ASPM: variants seen among roughly 807,000 people sequenced by gnomAD.
ASPM encodes the protein assembly factor for spindle microtubules.
Under a neutral mutation model 366.4 loss-of-function variants are expected in ASPM, and 256 were observed. That is an observed-to-expected ratio of 0.70 (90% confidence interval 0.63 to 0.77). The LOEUF (loss-of-function observed/expected upper bound fraction) is 0.77. ASPM is among the 30% of genes least tolerant of loss of function. The pLI is 0.00. For synonymous variants in ASPM, 1,414 were observed against 1,342.9 expected (o/e 1.05, Z -1.16); for missense variants, 4,146 against 4,090.4 (o/e 1.01, Z -0.37).
At position 197,143,072 on chromosome 1, in the gene ASPM, TA is replaced by T. The variant is rs199422138; in HGVS notation, c.1179del (p.Asn394IlefsTer4). 5.6e-6 allele frequency: 9 copies of T among 1,612,954 alleles called. No homozygotes were observed. Among genetic ancestry groups the T allele is most frequent in the Non-Finnish European group, 7.6e-6 (9 of 1,179,050 alleles). ...GCCATGTTATCTTTTAAAAATTGAT[TA>T]GGGGATAAAATAGGATTAACTGACT... is the stretch of plus-strand genomic sequence containing the variant. ...ESESVNPILS[P>X]NQFLKDNMAY... is the part of the protein sequence containing the mutation. On this transcript the variant is annotated frameshift_variant, in exon 3 of 28. Transcript: ENST00000367409. LOFTEE classifies it high-confidence loss of function.
At position 197,139,827 on chromosome 1, in the gene ASPM, T is replaced by C. The variant is rs200913447; in HGVS notation, c.1966A>G (p.Thr656Ala). The C allele has an allele frequency of 3.7e-6, 6 of 1,612,434 alleles. No homozygotes were observed. In the East Asian group the frequency reaches 1.1e-4, roughly 30 times the overall value. ...RTPISKTNKR[T>A]KPIIAVAQSS... ...TGTGCCACAGCGATAATGGGTTTTG[T>C]CCTTTTGTTTGTTTTAGAAATTGGA... Residue 656 changes from threonine to alanine, a missense_variant, in exon 4 of 28, where the codon ACA (threonine) becomes GCA (alanine). Thr to Ala is a moderately conservative substitution (Grantham distance 58, BLOSUM62 0). Transcript: ENST00000367409.
rs113841193 is a variant in ASPM at position 197,086,365 on chromosome 1, A to G, written c.10331+438T>C. ...CAAAATAAATTAAATCTTTTTGCCA[A>G]TAAAATCAGAAAATGTCAATCTAAA... On this transcript the variant is annotated intron_variant, in intron 27 of 27. Transcript: ENST00000367409. 6.1e-4 allele frequency among the ~76,000 whole-genome samples: 93 copies of G among 152,328 alleles called. 1 individual carries two copies. Among genetic ancestry groups the G allele is most frequent in the African/African-American group, 2.2e-3 (91 of 41,576 alleles).
At position 197,100,883 on chromosome 1, in the gene ASPM, C is replaced by A. The variant is rs1657142045; in HGVS notation, c.8368G>T (p.Glu2790Ter). ...SKTQYEAVQS[E>*]GVMIQEWYKA... ...TACCACTCTTGAATCATAACACCTT[C>A]ACTTTGAACAGCTTCATACTGAGTT... Residue 2790 changes from glutamate to a stop codon, truncating the protein, a stop_gained, in exon 18 of 28, where the codon GAA becomes TAA. Transcript: ENST00000367409. LOFTEE classifies it high-confidence loss of function. 6.2e-7 allele frequency: 1 copy of A among 1,612,526 alleles called. No homozygotes were observed. The highest frequency in any genetic ancestry group is 8.5e-7 in the Non-Finnish European group (1 of 1,179,136).
At chr1:197,139,548 T>C (rs1658520050) in intron 4 of ASPM, among the ~76,000 whole-genome samples, 1 of 152,228 alleles carries the variant, frequency 6.6e-6, no homozygotes, top group African/African-American at 2.4e-5. Flanking sequence ...AAATATACAA[T>C]AATTACTATA....
At chr1:197,106,032 T>A (rs973315225) in intron 17 of ASPM, among the ~76,000 whole-genome samples, 4 of 151,998 alleles carry the variant, frequency 2.6e-5, no homozygotes, top group Admixed American at 2.6e-4. Context: ...CTCTACTACA[T>A]CTTACTTTTT....
chr1:197,117,676 T>C, intron 17 of ASPM, 113 bp downstream of exon 17: 1 of 923,702 alleles, frequency 1.1e-6, no homozygotes, highest in Non-Finnish European at 1.7e-6. Flanking sequence ...AAATTAAGTA[T>C]TAGATAAAGA....
intron 10 of ASPM, 135 bp downstream of exon 10, chr1:197,128,355 A>AAG: frequency 1.1e-6 from 1 of 945,388 alleles, no homozygotes; most frequent in Non-Finnish European, 1.6e-6. Flanking sequence ...AAAAAAAAAA[A>AAG]AAACCTCAAT....
At chr1:197,123,988 A>C in intron 13 of ASPM, 122 bp downstream of exon 13, 1 of 796,708 alleles carries the variant, frequency 1.3e-6, no homozygotes, top group African/African-American at 1.8e-5. Flanking sequence ...CATTTGAGGG[A>C]AAGTTTGCTT....
At position 197,102,777 on chromosome 1, in the gene ASPM, C is replaced by T. The variant is rs1267691623; in HGVS notation, c.6474G>A (p.Met2158Ile). 3 of 1,612,502 alleles carry T rather than the reference C, an allele frequency of 1.9e-6. No individual in the cohort carries two copies. In the Admixed American group the frequency reaches 5.0e-5, roughly 27 times the overall value. ...AAATTGTCAGGTACTTTTCACGCTGCATTTTACCTTGATAATATGCTCTAC... is the reference window on the plus strand; with the variant it reads ...AAATTGTCAGGTACTTTTCACGCTGTATTTTACCTTGATAATATGCTCTAC... ...VRCRAYYQGKMQREKYLTILK... is the reference protein window; with the variant it reads ...VRCRAYYQGKIQREKYLTILK... The change falls in exon 18 of 28, where the codon ATG becomes ATA. Residue 2158 changes from methionine to isoleucine, a missense_variant. Physicochemically the swap from Met to Ile is conservative, Grantham distance 10. Coordinates refer to ENST00000367409, the MANE Select transcript of ASPM (RefSeq NM_018136.5).
At position 197,100,880 on chromosome 1, in the gene ASPM, C is replaced by T. The variant is rs966129910; in HGVS notation, c.8371G>A (p.Gly2791Ser). 1.2e-6 allele frequency: 2 copies of T among 1,612,494 alleles called. No individual in the cohort carries two copies. Among genetic ancestry groups the T allele is most frequent in the Admixed American group, 1.7e-5 (1 of 59,786 alleles). The change falls in exon 18 of 28, where the codon GGT becomes AGT. Residue 2791 changes from glycine to serine, a missense_variant. By Grantham distance (56) the Gly-to-Ser change is moderately conservative. Transcript: ENST00000367409. ...TTATACCACTCTTGAATCATAACAC[C>T]TTCACTTTGAACAGCTTCATACTGA... ...KTQYEAVQSEGVMIQEWYKAS... is the reference protein window; with the variant it reads ...KTQYEAVQSESVMIQEWYKAS...
In ASPM at chr1:197,102,953, T is replaced by C; in HGVS notation, c.6298A>G (p.Ile2100Val). The C allele has an allele frequency of 6.2e-7, 1 of 1,612,616 alleles. No individual in the cohort carries two copies. Reference protein sequence around the residue: ...YLNLKKTAIKIQSVYRGIRVR... With the variant: ...YLNLKKTAIKVQSVYRGIRVR... ...CTAATACCTCTATAAACAGATTGGA[T>C]TTTAATTGCTGTCTTCTTCAAATTA... Residue 2100 changes from isoleucine (I) to valine (V), a missense_variant, in exon 18 of 28, where the codon ATC (isoleucine) becomes GTC (valine). By Grantham distance (29) the Ile-to-Val change is conservative. This residue lies in a region of ASPM where 3,624 missense variants were observed against 3,591.7 expected (regional missense o/e 1.01). Transcript: ENST00000367409.
chr1:197,095,904 A>T, intron 19 of ASPM, 94 bp downstream of exon 19: 1 of 1,150,004 alleles, frequency 8.7e-7, no homozygotes, highest in Non-Finnish European at 1.2e-6. Flanking sequence ...ACAAATATTT[A>T]AAATAAAAAT....
chr1:197,109,727 T>A (rs1657528651), intron 17 of ASPM, among the ~76,000 whole-genome samples: 1 of 151,922 alleles, frequency 6.6e-6, no homozygotes, highest in Non-Finnish European at 1.5e-5. Flanking sequence ...ACATAAAAAC[T>A]TCATAGAAAT....
intron 17 of ASPM, among the ~76,000 whole-genome samples, chr1:197,115,975 T>A (rs1184409171): frequency 6.6e-6 from 1 of 152,194 alleles, no homozygotes; most frequent in East Asian, 1.9e-4. Flanking sequence ...AAGCTAGAAA[T>A]TGATTTCCCC....
rs770626941 is a variant in ASPM at position 197,100,864 on chromosome 1, T to A, written c.8387A>T (p.Glu2796Val). 6.2e-7 allele frequency: 1 copy of A among 1,612,688 alleles called. No individual in the cohort carries two copies. The highest frequency in any genetic ancestry group is 1.1e-5 in the South Asian group (1 of 91,058). Reference sequence around the variant, plus strand: ...AGCAAGGCCAGAAGCTTTATACCACTCTTGAATCATAACACCTTCACTTTG... The same window carrying A: ...AGCAAGGCCAGAAGCTTTATACCACACTTGAATCATAACACCTTCACTTTG... ...AVQSEGVMIQ[E>V]WYKASGLACS... is the part of the protein sequence containing the mutation. Residue 2796 changes from glutamate (E) to valine (V), a missense_variant, in exon 18 of 28, where the codon GAG (glutamate) becomes GTG (valine). By Grantham distance (121) the Glu-to-Val change is moderately radical. Around this residue, in one of 3 missense-constraint regions of ASPM, gnomAD observed 3,624 missense variants for 3,591.7 expected, o/e 1.01. Transcript: ENST00000367409.
chr1:197,125,649 A>G (rs1002941573), intron 10 of ASPM, among the ~76,000 whole-genome samples: 4 of 152,144 alleles, frequency 2.6e-5, no homozygotes, highest in African/African-American at 9.7e-5. Flanking sequence ...CATAGAGCTT[A>G]AATGAATTGC....
rs762629103 is a variant in ASPM at position 197,104,574 on chromosome 1, T to C, written c.4677A>G (p.Gln1559=). 1.2e-6 allele frequency: 2 copies of C among 1,612,926 alleles called. No homozygotes were observed. The highest frequency in any genetic ancestry group is 1.1e-5 in the South Asian group (1 of 91,064). ...RRLKAHNLCR[Q]IRAACVIQSY... The stretch of plus-strand genomic sequence containing the variant: ...ACTGAATAACACAAGCAGCTCTAAT[T>C]TGTCTACATAAATTATGAGCTTTCA... The change falls in exon 18 of 28, where the codon CAA becomes CAG. Residue 1559 remains glutamine, a synonymous_variant. Transcript: ENST00000367409.
rs930973811 is a variant in ASPM, at chr1:197,146,625, C to T, written c.-188G>A. The T allele has an allele frequency of 2.0e-5, 13 of 650,626 alleles. No homozygotes were observed. The African/African-American group carries it at 2.2e-4, about 11-fold the overall frequency. The allele number at this position is 650,626 out of a possible 1,614,324, so 40.3% of individuals were successfully genotyped here. On this transcript the variant is annotated 5_prime_UTR_variant, in exon 1 of 28. Coordinates refer to ENST00000367409, the MANE Select transcript of ASPM (RefSeq NM_018136.5). ...AAACAGAAAACAAGCCCAATAAACTCGCAAATTAAAAAGAGGAGCCAAACA... is the reference window on the plus strand; with the variant it reads ...AAACAGAAAACAAGCCCAATAAACTTGCAAATTAAAAAGAGGAGCCAAACA...
In ASPM at chr1:197,092,116, T is replaced by A. The variant is rs1292367117; in HGVS notation, c.9295-60A>T. On this transcript the variant is annotated intron_variant, in intron 21 of 27. Transcript: ENST00000367409. ...TGCCTCCTAAGTTAATCAATGAGTG[T>A]TTTTTTTTGTATAACCTCAACATCA... 1.3e-5 allele frequency: 19 copies of A among 1,500,266 alleles called. No homozygotes were observed. In the Admixed American group the frequency reaches 2.9e-4, roughly 23 times the overall value. The allele number at this position is 1,500,266 out of a possible 1,614,324, so 92.9% of individuals were successfully genotyped here.
Sources: gnomAD v4.1 joint callset for allele counts (sites outside exome capture counted in the v4.1 genomes callset) on GRCh38, gnomAD v4.1.1 for gene constraint, gnomAD v4.1.1 regional missense constraint, MANE v1.5 for transcripts, NCBI Gene and HGNC (gene_info 2026-07-23, HGNC 2026-07-21) for gene names.